Variants in ZNF804B observed in about 807,000 individuals in gnomAD.
ZNF804B encodes zinc finger 804B.
In ZNF804B, 80 loss-of-function variants were observed where a neutral mutation model predicts 101.4. The observed-to-expected ratio is 0.79, with a 90% CI of 0.66 to 0.95. The LOEUF (loss-of-function observed/expected upper bound fraction) is 0.95. Ranked by LOEUF, ZNF804B falls within the 40% of genes least tolerant of loss-of-function variation. ZNF804B has a pLI of 0.00. For missense variants in ZNF804B, 1,673 were observed against 1,561.9 expected (o/e 1.07, Z -1.20); for synonymous variants, 622 against 558.8 (o/e 1.11, Z -1.59).
At chr7:89,202,418 A>G (rs905814469) in intron 1 of ZNF804B, among the ~76,000 whole-genome samples, 2 of 152,106 alleles carry the variant, frequency 1.3e-5, no homozygotes, top group African/African-American at 4.8e-5. Flanking sequence ...GGATAAAGGA[A>G]AGAGGAGGTC....
At chr7:88,787,072 T>G (rs1790313653) in intron 1 of ZNF804B, among the ~76,000 whole-genome samples, 1 of 151,966 alleles carries the variant, frequency 6.6e-6, no homozygotes, top group South Asian at 2.1e-4. Flanking sequence ...CTAAGCAGAA[T>G]TTTGCTAAGA....
At chr7:89,306,259 CATA>C (rs1175350878) in intron 2 of ZNF804B, among the ~76,000 whole-genome samples, 3 of 151,834 alleles carry the variant, frequency 2.0e-5, no homozygotes, top group Non-Finnish European at 2.9e-5. Flanking sequence ...GTTGTGTATT[CATA>C]ATAGTTTTCT....
intron 2 of ZNF804B, among the ~76,000 whole-genome samples, chr7:89,275,800 T>A (rs1437903201): frequency 6.6e-6 from 1 of 151,898 alleles, no homozygotes; most frequent in Non-Finnish European, 1.5e-5. Flanking sequence ...TATAGGAGGA[T>A]AAAGACTTTT....
chr7:89,005,248 A>G (rs1296269551), intron 1 of ZNF804B, among the ~76,000 whole-genome samples: 1 of 151,936 alleles, frequency 6.6e-6, no homozygotes, highest in Non-Finnish European at 1.5e-5. Context: ...AGACACTCCA[A>G]CTGATGGGTT....
At chr7:89,323,043 G>C (rs1790843806) in intron 2 of ZNF804B, among the ~76,000 whole-genome samples, 2 of 152,226 alleles carry the variant, frequency 1.3e-5, no homozygotes, top group Non-Finnish European at 2.9e-5. Context: ...TGAGGGCGTA[G>C]CCTTCGTGAG....
intron 1 of ZNF804B, among the ~76,000 whole-genome samples, chr7:88,952,917 G>T (rs1162907087): frequency 6.6e-6 from 1 of 151,712 alleles, no homozygotes; most frequent in East Asian, 2.0e-4. Context: ...TGATCACATG[G>T]TACCTGATTG....
At chr7:89,262,452 C>G (rs1401238893) in intron 2 of ZNF804B, among the ~76,000 whole-genome samples, 8 of 152,270 alleles carry the variant, frequency 5.3e-5, no homozygotes, top group Non-Finnish European at 5.9e-5. Flanking sequence ...TAATTACTTT[C>G]TCTTCCTCAA....
chr7:88,854,522 C>CT (rs71526619), intron 1 of ZNF804B, among the ~76,000 whole-genome samples: 13,187 of 55,362 alleles, frequency 0.24, 2,421 homozygotes, highest in East Asian at 0.45. Flanking sequence ...CTTTCCTTTC[C>CT]TTCCTTTCCT....
intron 1 of ZNF804B, among the ~76,000 whole-genome samples, chr7:88,946,323 AG>A (rs1793127165): frequency 6.6e-6 from 1 of 151,824 alleles, no homozygotes; most frequent in Admixed American, 6.6e-5. Context: ...ATTTTATCGA[AG>A]GCCTTTTCTG....
intron 1 of ZNF804B, among the ~76,000 whole-genome samples, chr7:89,150,419 T>G (rs1181859779): frequency 6.6e-6 from 1 of 152,086 alleles, no homozygotes; most frequent in Non-Finnish European, 1.5e-5. Context: ...TTCTAGTGAG[T>G]GCACTTAGAG....
intron 1 of ZNF804B, among the ~76,000 whole-genome samples, chr7:89,027,638 A>C (rs1209956987): frequency 6.6e-6 from 1 of 152,168 alleles, no homozygotes; most frequent in African/African-American, 2.4e-5. Context: ...TATGTATAGG[A>C]AGAGAGAACC....
At chr7:89,111,065 C>G (rs1232127206) in intron 1 of ZNF804B, among the ~76,000 whole-genome samples, 1 of 152,038 alleles carries the variant, frequency 6.6e-6, no homozygotes, top group Non-Finnish European at 1.5e-5. Context: ...CTCGGTAGCT[C>G]ATTTCTTGTC....
chr7:89,076,647 G>A (rs1158574382), intron 1 of ZNF804B, among the ~76,000 whole-genome samples: 1 of 152,112 alleles, frequency 6.6e-6, no homozygotes, highest in Non-Finnish European at 1.5e-5. Flanking sequence ...TAATATGACT[G>A]TGACATTTAC....
intron 1 of ZNF804B, among the ~76,000 whole-genome samples, chr7:88,951,375 A>G (rs1451273474): frequency 1.3e-5 from 2 of 151,810 alleles, no homozygotes; most frequent in East Asian, 2.0e-4. Flanking sequence ...ATGATTTAGA[A>G]TAGAAACTGA....
At chr7:89,064,729 T>C (rs1484949489) in intron 1 of ZNF804B, among the ~76,000 whole-genome samples, 3 of 152,152 alleles carry the variant, frequency 2.0e-5, no homozygotes, top group African/African-American at 7.2e-5. Context: ...TATAGCAAAC[T>C]GGAGGCTTCC....
At chr7:88,936,733 G>C (rs1179751930) in intron 1 of ZNF804B, among the ~76,000 whole-genome samples, 2 of 152,068 alleles carry the variant, frequency 1.3e-5, no homozygotes, top group East Asian at 3.9e-4. Context: ...CCTTCAGGAA[G>C]AGCTTCAGAT....
chr7:88,984,491 A>G (rs1793733094), intron 1 of ZNF804B, among the ~76,000 whole-genome samples: 1 of 151,690 alleles, frequency 6.6e-6, no homozygotes, highest in Non-Finnish European at 1.5e-5. Flanking sequence ...ATAATTATTT[A>G]ATGTAAGTAT....
At chr7:88,810,847 A>T (rs952902554) in intron 1 of ZNF804B, among the ~76,000 whole-genome samples, 1 of 152,152 alleles carries the variant, frequency 6.6e-6, no homozygotes, top group Non-Finnish European at 1.5e-5. Context: ...ACATCTTTGA[A>T]TCTTAGCTAA....
At chr7:89,285,546 A>AAAAAAAG (rs1554389597) in intron 2 of ZNF804B, among the ~76,000 whole-genome samples, 3 of 93,418 alleles carry the variant, frequency 3.2e-5, no homozygotes, top group Admixed American at 1.2e-4. Flanking sequence ...AAAAAAAAAA[A>AAAAAAAG]AAGAAGAAGA....
Sources: allele counts gnomAD v4.1 joint callset (sites outside exome capture counted in the v4.1 genomes callset), GRCh38; gene constraint gnomAD v4.1.1; transcripts MANE v1.5; gene names NCBI Gene and HGNC (gene_info 2026-07-23, HGNC 2026-07-21).